Variants in PTPRD observed in about 807,000 individuals in gnomAD.
The protein encoded by PTPRD is receptor-type tyrosine-protein phosphatase delta.
A neutral mutation model predicts 214.5 loss-of-function variants in PTPRD; 34 were observed. The observed-to-expected ratio is 0.16, with a 90% CI of 0.12 to 0.21. The LOEUF (loss-of-function observed/expected upper bound fraction) is 0.21. PTPRD is among the 10% of genes least tolerant of loss of function. PTPRD has a pLI of 1.00. For synonymous variants in PTPRD, 1,128 were observed against 845.7 expected, an observed-to-expected ratio of 1.33 and a Z score of -5.79; for missense variants, 2,545 against 2,398.7, an observed-to-expected ratio of 1.06 and a Z score of -1.27.
intron 36 of PTPRD, among the ~76,000 whole-genome samples, chr9:8,391,657 T>C (rs889815590): frequency 6.6e-6 from 1 of 152,194 alleles, no homozygotes; most frequent in Non-Finnish European, 1.5e-5. Flanking sequence ...AAAAGGATTC[T>C]GGCTAAGGGC....
At chr9:9,099,045 A>G (rs2099787668) in intron 10 of PTPRD, among the ~76,000 whole-genome samples, 1 of 152,220 alleles carries the variant, frequency 6.6e-6, no homozygotes, top group Non-Finnish European at 1.5e-5. Context: ...TATTGATTGG[A>G]AAAAGCAAGT....
intron 10 of PTPRD, among the ~76,000 whole-genome samples, chr9:9,115,529 G>T (rs569363678): frequency 2.0e-5 from 3 of 152,192 alleles, no homozygotes; most frequent in Admixed American, 1.3e-4. Flanking sequence ...CACTGTTGGT[G>T]GGAATGTAAA....
chr9:8,869,591 C>G (rs2098258637), intron 11 of PTPRD, among the ~76,000 whole-genome samples: 2 of 152,114 alleles, frequency 1.3e-5, no homozygotes, highest in Non-Finnish European at 2.9e-5. Context: ...TGAAAACCAC[C>G]ATGATAACTC....
At chr9:10,135,780 T>C (rs73641860) in intron 3 of PTPRD, among the ~76,000 whole-genome samples, 5 of 151,778 alleles carry the variant, frequency 3.3e-5, no homozygotes, top group Admixed American at 3.3e-4. Flanking sequence ...AAAACACACT[T>C]AAGTACATTT....
chr9:9,700,118 A>C (rs1048125300), intron 7 of PTPRD, among the ~76,000 whole-genome samples: 5 of 152,144 alleles, frequency 3.3e-5, no homozygotes, highest in African/African-American at 1.2e-4. Context: ...AAAGGTACTG[A>C]ACTATATATT....
At chr9:9,204,627 T>C (rs903842699) in intron 9 of PTPRD, among the ~76,000 whole-genome samples, 3 of 152,202 alleles carry the variant, frequency 2.0e-5, no homozygotes, top group African/African-American at 4.8e-5. Context: ...TTATGTAAGA[T>C]ATTTAAAACA....
At chr9:10,095,127 CA>C (rs894644751) in intron 3 of PTPRD, among the ~76,000 whole-genome samples, 6 of 149,510 alleles carry the variant, frequency 4.0e-5, no homozygotes, top group Non-Finnish European at 7.5e-5. Flanking sequence ...TTTTGCTGTT[CA>C]AAAAAAAATC....
At chr9:9,839,199 C>A (rs994023113) in intron 5 of PTPRD, among the ~76,000 whole-genome samples, 5 of 151,884 alleles carry the variant, frequency 3.3e-5, no homozygotes, top group African/African-American at 1.2e-4. Context: ...AAGTTCTGGC[C>A]AGGACAATTA....
At chr9:8,451,836 C>T (rs1396922567) in intron 33 of PTPRD, 1 of 476,150 alleles carries the variant, frequency 2.1e-6, no homozygotes, top group Non-Finnish European at 4.2e-6. Flanking sequence ...GCCATTCTTG[C>T]AAGATTATGG....
At chr9:10,468,704 G>C (rs2099010752) in intron 2 of PTPRD, among the ~76,000 whole-genome samples, 1 of 151,974 alleles carries the variant, frequency 6.6e-6, no homozygotes. Flanking sequence ...AAACAAAACA[G>C]AACTCTTGAG....
intron 2 of PTPRD, among the ~76,000 whole-genome samples, chr9:10,370,795 C>T (rs376744251): frequency 7.9e-5 from 12 of 152,014 alleles, no homozygotes; most frequent in African/African-American, 1.9e-4. Flanking sequence ...CCATTTCCTA[C>T]CTAATGCTGT....
chr9:9,468,815 G>A (rs1044389482), intron 8 of PTPRD, among the ~76,000 whole-genome samples: 8 of 151,944 alleles, frequency 5.3e-5, no homozygotes, highest in Non-Finnish European at 1.0e-4. Flanking sequence ...AGTCATTTAC[G>A]TAATGCCAGG....
Position 10,503,198 on chromosome 9 carries a change from A to AC in PTPRD, c.-600+109199_-600+109200insG, listed in dbSNP as rs1555437068. Among the ~76,000 whole-genome samples, 47 of 132,460 alleles carry AC rather than the reference A, an allele frequency of 3.5e-4. 1 individual carries two copies. Among genetic ancestry groups the AC allele is most frequent in the African/African-American group, 1.5e-3 (47 of 30,418 alleles). The allele number at this position is 132,460 out of a possible 152,430, so 86.9% of individuals were successfully genotyped here. A position where few individuals can be genotyped will look rare whatever the true frequency, so the allele number is the denominator to read the frequency against. On this transcript the variant is annotated intron_variant, in intron 2 of 45. Transcript: ENST00000381196. Reference sequence around the variant, plus strand: ...ATTGAGACACAGCTGCAATACAAAAAAAAAAAAAACAAAAAAAAACACCAT... The same window carrying AC: ...ATTGAGACACAGCTGCAATACAAAAACAAAAAAAAACAAAAAAAAACACCAT...
rs1288309627 is a variant in PTPRD at position 10,262,755 on chromosome 9, T to G, written c.-545+78208A>C. Among the ~76,000 whole-genome samples, 4 of 152,172 alleles carry G rather than the reference T, an allele frequency of 2.6e-5. No individual in the cohort carries two copies. In the East Asian group the frequency reaches 5.8e-4, roughly 22 times the overall value. Reference sequence around the variant, plus strand: ...AGGTGATAGATTTTCACAGTGAGAGTCCACAGTTTTTTCATGCCTCCCTGT... The same window carrying G: ...AGGTGATAGATTTTCACAGTGAGAGGCCACAGTTTTTTCATGCCTCCCTGT... On this transcript the variant is annotated intron_variant, in intron 3 of 45. Coordinates refer to ENST00000381196, the MANE Select transcript of PTPRD (RefSeq NM_002839.4).
chr9:8,645,265 G>C (rs951472692), intron 12 of PTPRD, among the ~76,000 whole-genome samples: 1 of 152,174 alleles, frequency 6.6e-6, no homozygotes, highest in Non-Finnish European at 1.5e-5. Context: ...ATTGAAATCA[G>C]AGATTACGAT....
intron 11 of PTPRD, among the ~76,000 whole-genome samples, chr9:8,760,045 G>T (rs1245969902): frequency 6.6e-6 from 1 of 152,154 alleles, no homozygotes; most frequent in Non-Finnish European, 1.5e-5. Flanking sequence ...GGTGCTTGTA[G>T]CTGGAATCTA....
At chr9:9,958,524 T>C (rs1214798363) in intron 4 of PTPRD, among the ~76,000 whole-genome samples, 26 of 151,980 alleles carry the variant, frequency 1.7e-4, no homozygotes. Flanking sequence ...AGAGCAAAAC[T>C]CCATCTCAAA....
intron 2 of PTPRD, among the ~76,000 whole-genome samples, chr9:10,420,945 G>A (rs887952891): frequency 3.3e-5 from 5 of 151,610 alleles, no homozygotes; most frequent in African/African-American, 1.2e-4. Flanking sequence ...TCACTGAGGA[G>A]GCCAATGTGC....
rs181699711 is a variant in PTPRD at position 10,385,483 on chromosome 9, T to C, written c.-599-44466A>G. On this transcript the variant is annotated intron_variant, in intron 2 of 45. Coordinates refer to ENST00000381196, the MANE Select transcript of PTPRD (RefSeq NM_002839.4). ...ACTGAGAGACCAATAAAAAAGAGTA[T>C]ACATTTCAGTGATTCTTAATGTAAG... Among the ~76,000 whole-genome samples the C allele has an allele frequency of 2.0e-4, 31 of 151,946 alleles. 1 individual carries two copies. In the East Asian group the frequency reaches 5.1e-3, roughly 25 times the overall value.
Sources: gnomAD v4.1 joint callset for allele counts (sites outside exome capture counted in the v4.1 genomes callset) on GRCh38, gnomAD v4.1.1 for gene constraint, MANE v1.5 for transcripts, NCBI Gene and HGNC (gene_info 2026-07-23, HGNC 2026-07-21) for gene names.